Variants in DTNA observed in about 807,000 individuals in gnomAD.
The protein encoded by DTNA is dystrobrevin alpha, also known as dystrophin-related protein 3.
In DTNA, 43 loss-of-function variants were observed where a neutral mutation model predicts 100.7. That is an observed-to-expected ratio of 0.43 (90% confidence interval 0.33 to 0.55). DTNA has a LOEUF of 0.55. Ranked by LOEUF, DTNA falls within the 20% of genes least tolerant of loss-of-function variation. DTNA has a pLI of 0.04. For missense variants in DTNA, 798 were observed against 953.9 expected, an observed-to-expected ratio of 0.84 and a Z score of 2.15; for synonymous variants, 349 against 347.9, an observed-to-expected ratio of 1.00 and a Z score of -0.04.
At chr18:34,632,754 T>C (rs2058225039) in intron 1 of DTNA, among the ~76,000 whole-genome samples, 2 of 152,214 alleles carry the variant, frequency 1.3e-5, no homozygotes, top group South Asian at 4.1e-4. Flanking sequence ...GATTTTCTCT[T>C]GTTTTTCAAC....
At chr18:34,825,708 T>C (rs921614724) in intron 9 of DTNA, among the ~76,000 whole-genome samples, 3 of 152,202 alleles carry the variant, frequency 2.0e-5, no homozygotes, top group Non-Finnish European at 4.4e-5. Flanking sequence ...GATTTCAGCT[T>C]TGTAGTGACC....
chr18:34,841,137 G>T lies in DTNA; in HGVS notation c.1346+2300G>T, dbSNP rs76948848. 8.3e-3 allele frequency among the ~76,000 whole-genome samples: 1,257 copies of T among 152,134 alleles called. 19 individuals carry two copies. The highest frequency in any genetic ancestry group is 0.027 in the African/African-American group (1,135 of 41,514). On this transcript the variant is annotated intron_variant, in intron 13 of 22. Transcript: ENST00000444659. ...ATCCCCCTTTTATAGACAAGTAAAGGTATCATTTTAGAGAGCTTACCTGAC... is the reference window on the plus strand; with the variant it reads ...ATCCCCCTTTTATAGACAAGTAAAGTTATCATTTTAGAGAGCTTACCTGAC...
intron 3 of DTNA, among the ~76,000 whole-genome samples, chr18:34,773,744 C>A (rs2093903182): frequency 6.6e-6 from 1 of 152,196 alleles, no homozygotes; most frequent in Admixed American, 6.5e-5. Flanking sequence ...TCCTCTCTGG[C>A]ACCCTGGACC....
chr18:34,773,231 C>T (rs564873139), intron 3 of DTNA, among the ~76,000 whole-genome samples: 5 of 152,318 alleles, frequency 3.3e-5, no homozygotes, highest in African/African-American at 1.2e-4. Context: ...ACTGCAGCCC[C>T]TGGATTCATG....
chr18:34,685,564 G>A (rs896988694), intron 1 of DTNA, among the ~76,000 whole-genome samples: 5 of 152,094 alleles, frequency 3.3e-5, no homozygotes, highest in African/African-American at 1.2e-4. Flanking sequence ...GTTTAAGTTA[G>A]GTACTGTGAT....
rs866021924 is a variant in DTNA, at chr18:34,674,984, T to A, written c.-1-80992T>A. Among the ~76,000 whole-genome samples, 14 of 151,708 alleles carry A rather than the reference T, an allele frequency of 9.2e-5. 1 individual carries two copies. The South Asian group carries it at 2.7e-3, about 29-fold the overall frequency. ...GAAGGAATTCACGTGGTATATAGAG[T>A]TGGAGGAAGCTTCAAAAGGGAAGTT... is the stretch of plus-strand genomic sequence containing the variant. On this transcript the variant is annotated intron_variant, in intron 1 of 19. Transcript: ENST00000283365.
At chr18:34,868,420 T>C in intron 17 of DTNA, 2 of 952,130 alleles carry the variant, frequency 2.1e-6, no homozygotes, top group Non-Finnish European at 2.5e-6. Context: ...AAACAAATGC[T>C]GTCCAAATAT....
intron 16 of DTNA, 68 bp from the exon 17 acceptor site, chr18:34,863,898 C>T (rs764246367): frequency 1.1e-4 from 162 of 1,481,010 alleles, no homozygotes; most frequent in Non-Finnish European, 1.3e-4. Flanking sequence ...ACAAGTCCCT[C>T]AAGAATGGAA....
At chr18:34,708,623 G>A (rs890988590), upstream of DTNA, among the ~76,000 whole-genome samples, 2 of 152,138 alleles carry the variant, frequency 1.3e-5, no homozygotes, top group East Asian at 1.9e-4. Flanking sequence ...TGCCTAAAAA[G>A]GTCTCTATAT....
At chr18:34,819,815 T>C (rs2095668063) in intron 8 of DTNA, among the ~76,000 whole-genome samples, 1 of 152,078 alleles carries the variant, frequency 6.6e-6, no homozygotes. Context: ...GCAATGCTCT[T>C]ATTACTTAGC....
chr18:34,531,361 C>T (rs2043123086), intron 1 of DTNA, among the ~76,000 whole-genome samples: 2 of 152,084 alleles, frequency 1.3e-5, no homozygotes, highest in Admixed American at 1.3e-4. Flanking sequence ...CTCATAGATA[C>T]GTTCATAACT....
chr18:34,747,235 T>A (rs796710304), intron 1 of DTNA, among the ~76,000 whole-genome samples: 3 of 152,230 alleles, frequency 2.0e-5, no homozygotes, highest in African/African-American at 7.2e-5. Flanking sequence ...AGCATAAGAA[T>A]TCCAACCTAA....
At chr18:34,844,955 T>C (rs553956053) in intron 13 of DTNA, among the ~76,000 whole-genome samples, 167 of 152,296 alleles carry the variant, frequency 1.1e-3, no homozygotes, top group African/African-American at 3.9e-3. Context: ...GCTTTCAAAA[T>C]AATGGATTTT....
At chr18:34,887,717 T>G (rs757858917) in intron 22 of DTNA, 49 bp from the exon 23 acceptor site, 8 of 985,328 alleles carry the variant, frequency 8.1e-6, no homozygotes, top group Non-Finnish European at 9.6e-6. Context: ...AACCCTAATT[T>G]AGAAACAATT....
At chr18:34,503,708 T>G (rs1240196570) in intron 1 of DTNA, among the ~76,000 whole-genome samples, 2 of 151,546 alleles carry the variant, frequency 1.3e-5, no homozygotes, top group African/African-American at 4.9e-5. Flanking sequence ...ATTTTTTGTT[T>G]GTTATCTCTA....
Position 34,851,876 on chromosome 18 carries a change from G to A in DTNA, c.1480G>A (p.Asp494Asn), listed in dbSNP as rs144880521. ...TGCTCCTGACATCTCTTTCACCATC[G>A]ATGCGAATAAGCAGCAAAGGCAGCT... ...RSAPDISFTI[D>N]ANKQQRQLIA... is the part of the protein sequence containing the mutation. Residue 494 changes from aspartate to asparagine, a missense_variant, in exon 15 of 23, where the codon GAT becomes AAT. By Grantham distance (23) the Asp-to-Asn change is conservative. Coordinates refer to ENST00000444659, the MANE Select transcript of DTNA (RefSeq NM_001386795.1). The A allele has an allele frequency of 5.6e-5, 90 of 1,613,990 alleles. No homozygotes were observed. In the African/African-American group the frequency reaches 9.5e-4, roughly 17 times the overall value.
chr18:34,800,927 G>T (rs1208168845), intron 4 of DTNA, among the ~76,000 whole-genome samples: 1 of 152,138 alleles, frequency 6.6e-6, no homozygotes, highest in Non-Finnish European at 1.5e-5. Flanking sequence ...TTAGTTGGAA[G>T]AAATCAGTAT....
chr18:34,741,266 G>A (rs1032653941), intron 1 of DTNA, among the ~76,000 whole-genome samples: 3 of 152,094 alleles, frequency 2.0e-5, no homozygotes, highest in Non-Finnish European at 4.4e-5. Flanking sequence ...CTACTTTTAT[G>A]TTTCGTAATA....
chr18:34,851,530 C>T (rs1024650023), intron 14 of DTNA, among the ~76,000 whole-genome samples: 1 of 152,112 alleles, frequency 6.6e-6, no homozygotes. Flanking sequence ...GACAGTGTGG[C>T]AAAAATAAAA....
Sources: allele counts gnomAD v4.1 joint callset (sites outside exome capture counted in the v4.1 genomes callset), GRCh38; gene constraint gnomAD v4.1.1; transcripts MANE v1.5; gene names NCBI Gene and HGNC (gene_info 2026-07-23, HGNC 2026-07-21).